Variants in RAB3IP observed in about 807,000 individuals in gnomAD.
RAB3IP encodes rab-3A-interacting protein.
Under a neutral mutation model 59.1 loss-of-function variants are expected in RAB3IP, and 36 were observed. The observed-to-expected ratio is 0.61, with a 90% CI of 0.47 to 0.80. The LOEUF is 0.80. RAB3IP is among the 30% of genes least tolerant of loss of function. The pLI is 0.00. For synonymous variants in RAB3IP, 207 were observed against 191.2 expected (o/e 1.08, Z -0.68); for missense variants, 511 against 536.0 (o/e 0.95, Z 0.46).
chr12:69,771,787 A>G (rs1565892728), intron 3 of RAB3IP, among the ~76,000 whole-genome samples: 2 of 152,158 alleles, frequency 1.3e-5, no homozygotes, highest in Non-Finnish European at 2.9e-5. Flanking sequence ...TCCTTTCTCC[A>G]CATCCTCCTC....
At chr12:69,807,575 C>T (rs1431185017) in intron 8 of RAB3IP, among the ~76,000 whole-genome samples, 10 of 145,656 alleles carry the variant, frequency 6.9e-5, no homozygotes, top group South Asian at 4.4e-4. Context: ...TCAGACAGGG[C>T]GGCCGGACAG....
chr12:69,750,167 C>A (rs147108306), intron 1 of RAB3IP, among the ~76,000 whole-genome samples: 1 of 152,064 alleles, frequency 6.6e-6, no homozygotes, highest in Non-Finnish European at 1.5e-5. Context: ...ACCATAGATG[C>A]GCTATGCTTA....
At chr12:69,750,272 C>T (rs1869031159) in intron 1 of RAB3IP, among the ~76,000 whole-genome samples, 2 of 152,166 alleles carry the variant, frequency 1.3e-5, no homozygotes, top group Admixed American at 1.3e-4. Context: ...GACTTGGCTC[C>T]TTGGCTTCCC....
At chr12:69,803,604 A>G (rs12307276) in intron 8 of RAB3IP, among the ~76,000 whole-genome samples, 132,711 of 151,806 alleles carry the variant, frequency 0.87, 58,333 homozygotes, top group Admixed American at 0.93. Context: ...CCATTAACTC[A>G]TCATTTAGCA....
intron 8 of RAB3IP, among the ~76,000 whole-genome samples, chr12:69,808,799 A>C (rs1879902982): frequency 6.6e-6 from 1 of 152,168 alleles, no homozygotes. Context: ...GTGTTTCTGC[A>C]CATGAGATGG....
At chr12:69,742,770 C>T (rs748362241) in intron 1 of RAB3IP, among the ~76,000 whole-genome samples, 3 of 152,168 alleles carry the variant, frequency 2.0e-5, no homozygotes, top group Non-Finnish European at 2.9e-5. Context: ...AACTTGCTAT[C>T]TCTATTTTCC....
At chr12:69,739,977 T>C in intron 1 of RAB3IP, 1 of 1,038,596 alleles carries the variant, frequency 9.6e-7, no homozygotes, top group South Asian at 1.4e-5. Flanking sequence ...TTATACACTC[T>C]CCTGTTTCAC....
intron 3 of RAB3IP, among the ~76,000 whole-genome samples, chr12:69,761,219 T>TA (rs1490928692): frequency 1.3e-5 from 2 of 152,240 alleles, no homozygotes; most frequent in African/African-American, 4.8e-5. Context: ...CTAGACATTG[T>TA]AGTTTTCATC....
chr12:69,806,884 A>C (rs1376184035), intron 8 of RAB3IP, among the ~76,000 whole-genome samples: 1 of 152,142 alleles, frequency 6.6e-6, no homozygotes, highest in Non-Finnish European at 1.5e-5. Context: ...TTCAGAGAGC[A>C]CGGGGTTGGG....
intron 1 of RAB3IP, chr12:69,739,232 C>G (rs951180742): frequency 6.6e-6 from 1 of 152,112 alleles, no homozygotes; most frequent in Non-Finnish European, 1.5e-5. Flanking sequence ...CACTTGGGCT[C>G]CGGGCCCTTG....
intron 3 of RAB3IP, among the ~76,000 whole-genome samples, chr12:69,781,499 G>A (rs1874697049): frequency 6.6e-6 from 1 of 152,090 alleles, no homozygotes; most frequent in Non-Finnish European, 1.5e-5. Context: ...TAGTTTCACT[G>A]ACCTAAAAAT....
chr12:69,770,994 T>C (rs1329792711), intron 3 of RAB3IP, among the ~76,000 whole-genome samples: 1 of 152,224 alleles, frequency 6.6e-6, no homozygotes, highest in Middle Eastern at 3.2e-3. Context: ...TTTACCAACC[T>C]CTCCTCATTC....
intron 3 of RAB3IP, among the ~76,000 whole-genome samples, chr12:69,782,228 G>A (rs893115154): frequency 1.3e-5 from 2 of 152,074 alleles, no homozygotes; most frequent in East Asian, 1.9e-4. Context: ...GCAGTGGCGC[G>A]ATCTCGGCTC....
chr12:69,820,564 A>AAAC lies in RAB3IP; in HGVS notation c.*5120_*5121insCAA, dbSNP rs991002678. ...TCCCATTGCACTTAGAAAAAAAAAA[A>AAAC]AAAAAAAAAACTGGCCAGGTGCGAT... On this transcript the variant is annotated 3_prime_UTR_variant, in exon 11 of 11. Transcript: ENST00000247833. 3 of 151,866 alleles carry AAAC rather than the reference A, an allele frequency of 2.0e-5. No individual in the cohort carries two copies. Among genetic ancestry groups the AAAC allele is most frequent in the Non-Finnish European group, 2.9e-5 (2 of 68,082 alleles). The allele number at this position is 151,866 out of a possible 1,614,324, so 9.4% of individuals were successfully genotyped here. A position where few individuals can be genotyped will look rare whatever the true frequency, so the allele number is the denominator to read the frequency against.
At position 69,800,321 on chromosome 12, in the gene RAB3IP, C is replaced by A; in HGVS notation, c.1001C>A (p.Thr334Lys). ...CAGGAAGATATCTTTCCATGTTTAA[C>A]ATTCTCAAAAAGTGAGGTAATTTTT... ...IYQEDIFPCL[T>K]FSKSELASAV... is the part of the protein sequence containing the mutation. Residue 334 changes from threonine (T) to lysine (K), a missense_variant, in exon 7 of 11, where the codon ACA (threonine) becomes AAA (lysine). By Grantham distance (78) the Thr-to-Lys change is moderately conservative. Transcript: ENST00000247833. The A allele has an allele frequency of 6.3e-7, 1 of 1,577,196 alleles. No individual in the cohort carries two copies. The highest frequency in any genetic ancestry group is 1.2e-5 in the South Asian group (1 of 85,206).
intron 6 of RAB3IP, among the ~76,000 whole-genome samples, chr12:69,797,483 T>C (rs1418137661): frequency 3.0e-4 from 45 of 147,948 alleles, no homozygotes; most frequent in South Asian, 6.3e-4. Context: ...CTTTCTTTTT[T>C]TTTTTTTTTT....
rs564886236 is a variant in RAB3IP, at chr12:69,761,209, C to G, written c.510+4546C>G. ...TAATCCCATACAGTATGTTTTTAAA[C>G]TAGACATTGTAGTTTTCATCTCTGA... On this transcript the variant is annotated intron_variant, in intron 3 of 10. Transcript: ENST00000247833. Among the ~76,000 whole-genome samples, 13 of 152,252 alleles carry G rather than the reference C, an allele frequency of 8.5e-5. No homozygotes were observed. The South Asian group carries it at 2.1e-3, about 24-fold the overall frequency.
At chr12:69,797,482 T>C (rs368011888) in intron 6 of RAB3IP, among the ~76,000 whole-genome samples, 1,841 of 145,856 alleles carry the variant, frequency 0.013, 14 homozygotes, top group Non-Finnish European at 0.021. Context: ...TCTTTCTTTT[T>C]TTTTTTTTTT....
Position 69,821,552 on chromosome 12 carries a change from T to TTG in RAB3IP, c.*6109_*6110dup, listed in dbSNP as rs1881748741. On this transcript the variant is annotated 3_prime_UTR_variant, in exon 11 of 11. Transcript: ENST00000247833. ...CAGATCTCGGCACCAGGGTTGCATCTTGTGGGCTCCATTGTGTTTTCACAC... is the reference window on the plus strand; with the variant it reads ...CAGATCTCGGCACCAGGGTTGCATCTTGTGTGGGCTCCATTGTGTTTTCACAC... 6.6e-6 allele frequency: 1 copy of TTG among 152,246 alleles called. No homozygotes were observed. Among genetic ancestry groups the TTG allele is most frequent in the South Asian group, 2.1e-4 (1 of 4,832 alleles). The allele number at this position is 152,246 out of a possible 1,614,324, so 9.4% of individuals were successfully genotyped here. A position where few individuals can be genotyped will look rare whatever the true frequency, so the allele number is the denominator to read the frequency against.
Sources: allele counts gnomAD v4.1 joint callset (sites outside exome capture counted in the v4.1 genomes callset), GRCh38; gene constraint gnomAD v4.1.1; transcripts MANE v1.5; gene names NCBI Gene and HGNC (gene_info 2026-07-23, HGNC 2026-07-21).